HDAC9: variants seen among roughly 807,000 people sequenced by gnomAD.
HDAC9 encodes MEF-2 interacting transcription repressor (MITR) protein.
HDAC9 carries 41 observed loss-of-function variants against 139.4 expected under a neutral mutation model. The ratio of observed to expected loss-of-function variants is 0.29; its 90% CI spans 0.23 to 0.38. HDAC9 has a LOEUF of 0.38. Ranked by LOEUF, HDAC9 falls within the 10% of genes least tolerant of loss-of-function variation. HDAC9 has a pLI of 1.00. For synonymous variants in HDAC9, 517 were observed against 476.2 expected, an observed-to-expected ratio of 1.09 and a Z score of -1.12; for missense variants, 1,147 against 1,297.0, an observed-to-expected ratio of 0.88 and a Z score of 1.78.
At chr7:18,627,556 C>G (rs1842038421) in intron 6 of HDAC9, among the ~76,000 whole-genome samples, 2 of 152,296 alleles carry the variant, frequency 1.3e-5, no homozygotes. Flanking sequence ...GTCCCAGTAT[C>G]TCACTTTATT....
chr7:18,499,067 G>C (rs1309411490), intron 2 of HDAC9, among the ~76,000 whole-genome samples: 1 of 100,388 alleles, frequency 1.0e-5, no homozygotes, highest in East Asian at 3.3e-4. Context: ...CTATAGGTAA[G>C]AGTAGGGTGT....
chr7:18,238,701 G>A (rs960681295), intron 2 of HDAC9, among the ~76,000 whole-genome samples: 2 of 152,134 alleles, frequency 1.3e-5, no homozygotes, highest in African/African-American at 4.8e-5. Context: ...GAAAACCCTG[G>A]GAAGCCAGGA....
intron 23 of HDAC9, among the ~76,000 whole-genome samples, chr7:18,951,805 A>G (rs1344816725): frequency 6.6e-6 from 1 of 151,860 alleles, no homozygotes; most frequent in Admixed American, 6.6e-5. Flanking sequence ...ACTCATAAAT[A>G]TTTATTAAGT....
chr7:18,289,706 A>G (rs17731305), upstream of HDAC9, among the ~76,000 whole-genome samples: 3,280 of 152,242 alleles, frequency 0.022, 51 homozygotes, highest in Middle Eastern at 0.037. Flanking sequence ...TTCTGGAGTG[A>G]CAGTGTTTTA....
chr7:18,393,787 A>C (rs1229970568), intron 1 of HDAC9, among the ~76,000 whole-genome samples: 1 of 152,122 alleles, frequency 6.6e-6, no homozygotes, highest in Non-Finnish European at 1.5e-5. Context: ...TTTGAGTGAA[A>C]TCATTTTGGC....
chr7:18,968,024 T>C (rs1359483346), intron 24 of HDAC9, among the ~76,000 whole-genome samples: 2 of 151,482 alleles, frequency 1.3e-5, no homozygotes, highest in African/African-American at 2.4e-5. Flanking sequence ...TAGCCAGGCG[T>C]GGTGGCATAT....
chr7:18,928,068 T>G (rs571480423), intron 22 of HDAC9, among the ~76,000 whole-genome samples: 23 of 152,348 alleles, frequency 1.5e-4, no homozygotes, highest in Admixed American at 5.9e-4. Flanking sequence ...TCGAGGTATC[T>G]TTCTCTGAGA....
At chr7:18,179,013 T>A (rs1467742997) in intron 2 of HDAC9, among the ~76,000 whole-genome samples, 1 of 152,230 alleles carries the variant, frequency 6.6e-6, no homozygotes, top group African/African-American at 2.4e-5. Flanking sequence ...TTTGACAGTG[T>A]TGTGGTATGG....
chr7:18,149,708 G>C (rs557321189), intron 1 of HDAC9, among the ~76,000 whole-genome samples: 3 of 151,780 alleles, frequency 2.0e-5, no homozygotes, highest in African/African-American at 7.2e-5. Context: ...CCACCACCAC[G>C]CCCAACTAAT....
At chr7:18,635,138 T>C (rs1783494084) in intron 8 of HDAC9, among the ~76,000 whole-genome samples, 1 of 151,852 alleles carries the variant, frequency 6.6e-6, no homozygotes, top group African/African-American at 2.4e-5. Context: ...CTGACAATTA[T>C]GTAACTTACT....
Position 18,742,318 on chromosome 7 carries a change from A to T in HDAC9, c.1910-6687A>T, listed in dbSNP as rs192893472. On this transcript the variant is annotated intron_variant, in intron 13 of 25. Coordinates refer to ENST00000686413, the MANE Select transcript of HDAC9 (RefSeq NM_178425.4). ...GTAACTACTACCCTGATCAGTTAGCAGCCATCAATATCAAGGCAAGACCCT... is the reference window on the plus strand; with the variant it reads ...GTAACTACTACCCTGATCAGTTAGCTGCCATCAATATCAAGGCAAGACCCT... Among the ~76,000 whole-genome samples the T allele has an allele frequency of 1.7e-4, 26 of 152,340 alleles. 1 individual carries two copies. The highest frequency in any genetic ancestry group is 6.0e-4 in the African/African-American group (25 of 41,588).
intron 1 of HDAC9, among the ~76,000 whole-genome samples, chr7:18,108,924 C>T (rs548537715): frequency 2.2e-4 from 33 of 152,102 alleles, no homozygotes; most frequent in Non-Finnish European, 3.7e-4. Context: ...TGGCCACACT[C>T]GTCTCTTATC....
chr7:18,697,770 C>T lies in HDAC9; in HGVS notation c.1732-29810C>T, dbSNP rs1783159309. Among the ~76,000 whole-genome samples the T allele has an allele frequency of 2.0e-5, 3 of 151,562 alleles. 1 individual carries two copies. Among genetic ancestry groups the T allele is most frequent in the Admixed American group, 6.6e-5 (1 of 15,154 alleles). On this transcript the variant is annotated intron_variant, in intron 12 of 25. Coordinates refer to ENST00000686413, the MANE Select transcript of HDAC9 (RefSeq NM_178425.4). ...GAGTTTAGAGTTCAAACATTTCTTA[C>T]TTTGGATCGAAATGGAAGTAAACAG...
At chr7:18,497,657 G>A (rs777613453) in intron 2 of HDAC9, among the ~76,000 whole-genome samples, 23 of 152,124 alleles carry the variant, frequency 1.5e-4, no homozygotes, top group Non-Finnish European at 4.4e-5. Flanking sequence ...AAGGGCTCCG[G>A]GAGGGTTTAA....
At position 18,175,552 on chromosome 7, in the gene HDAC9, G is replaced by A. The variant is rs528209092; in HGVS notation, c.25+13203G>A. On this transcript the variant is annotated intron_variant, in intron 2 of 12. Transcript: ENST00000417496. ...CTGTCTTCTGTGTTGATCACGATGG[G>A]AGCTGCAGACTGGAGCTGTTCCTAT... Among the ~76,000 whole-genome samples, 7 of 150,306 alleles carry A rather than the reference G, an allele frequency of 4.7e-5. 1 individual carries two copies. In the East Asian group the frequency reaches 9.9e-4, roughly 21 times the overall value.
chr7:18,792,631 T>C (rs1792424916), intron 16 of HDAC9, among the ~76,000 whole-genome samples: 1 of 152,164 alleles, frequency 6.6e-6, no homozygotes, highest in Admixed American at 6.6e-5. Context: ...TAAGCAACCA[T>C]CTATTTTACT....
intron 1 of HDAC9, among the ~76,000 whole-genome samples, chr7:18,427,894 G>A (rs1790275494): frequency 6.6e-6 from 1 of 151,828 alleles, no homozygotes; most frequent in Non-Finnish European, 1.5e-5. Context: ...AACTCCCCAT[G>A]CTCTCCCCTA....
intron 1 of HDAC9, among the ~76,000 whole-genome samples, chr7:18,440,481 G>A (rs184079344): frequency 9.9e-5 from 15 of 152,060 alleles, no homozygotes; most frequent in Admixed American, 6.5e-4. Flanking sequence ...CACCAGGCCC[G>A]GCCGGTTTAC....
chr7:18,800,535 T>C (rs559544394), intron 17 of HDAC9, among the ~76,000 whole-genome samples: 4 of 152,188 alleles, frequency 2.6e-5, no homozygotes, highest in Non-Finnish European at 5.9e-5. Context: ...TAATCAAGTT[T>C]TATAATTTCT....
Sources: allele counts gnomAD v4.1 joint callset (sites outside exome capture counted in the v4.1 genomes callset), GRCh38; gene constraint gnomAD v4.1.1; transcripts MANE v1.5; gene names NCBI Gene and HGNC (gene_info 2026-07-23, HGNC 2026-07-21).